Variants in BBOF1 observed in about 807,000 individuals in gnomAD.
The protein encoded by BBOF1 is basal body-orientation factor 1.
Under a neutral mutation model 68.0 loss-of-function variants are expected in BBOF1, and 62 were observed. The observed-to-expected ratio is 0.91, with a 90% CI of 0.74 to 1.13. BBOF1 has a LOEUF of 1.13. Among genes scored for constraint, BBOF1 ranks in the 50% most tolerant of loss-of-function variants. The probability of loss-of-function intolerance (pLI) is 0.00; values close to 1 mark genes in which losing one functional copy is unlikely to be tolerated. For synonymous variants in BBOF1, 208 were observed against 198.8 expected (o/e 1.05, Z -0.39); for missense variants, 534 against 600.1 (o/e 0.89, Z 1.15).
intron 9 of BBOF1, chr14:74,074,925 G>A: frequency 6.2e-7 from 1 of 1,606,172 alleles, no homozygotes; most frequent in Non-Finnish European, 8.5e-7. Flanking sequence ...TTCCTTCTCA[G>A]AAGTCAACCT....
chr14:74,037,624 T>A (rs2059737646), intron 4 of BBOF1, among the ~76,000 whole-genome samples: 1 of 151,448 alleles, frequency 6.6e-6, no homozygotes, highest in African/African-American at 2.4e-5. Context: ...AAATTCGTGT[T>A]CTCCATGAGG....
In BBOF1 at chr14:74,019,425, C is replaced by G. The variant is rs2059193591; in HGVS notation, c.-54C>G. 4 of 1,568,922 alleles carry G rather than the reference C, an allele frequency of 2.5e-6. No homozygotes were observed. The highest frequency in any genetic ancestry group is 3.5e-6 in the Non-Finnish European group (4 of 1,157,724). On this transcript the variant is annotated 5_prime_UTR_variant, in exon 1 of 12. Coordinates refer to ENST00000394009, the MANE Select transcript of BBOF1 (RefSeq NM_025057.3). ...CCGGTTCCCTTGGAGACAGAGCTGG[C>G]CAGGGCGGCCGCGGCTGGGCAACTA...
At chr14:74,070,098 C>T (rs1030443831), downstream of BBOF1, among the ~76,000 whole-genome samples, 6 of 152,088 alleles carry the variant, frequency 3.9e-5, no homozygotes, top group African/African-American at 1.4e-4. Flanking sequence ...GCCTTCACCT[C>T]CCAAAGTGCT....
At chr14:74,071,549 T>G (rs745830709) in intron 9 of BBOF1, 1 of 1,612,172 alleles carries the variant, frequency 6.2e-7, no homozygotes, top group Non-Finnish European at 8.5e-7. Flanking sequence ...ACTAGTTAGC[T>G]TTGTCCTGTT....
intron 11 of BBOF1, chr14:74,060,577 A>T (rs1168870767): frequency 1.7e-6 from 2 of 1,174,272 alleles, no homozygotes; most frequent in African/African-American, 3.0e-5. Flanking sequence ...AAAGCTGACA[A>T]ATGAAGCTGG....
At chr14:74,055,022 C>T (rs1220200418) in intron 8 of BBOF1, 1 of 152,930 alleles carries the variant, frequency 6.5e-6, no homozygotes, top group African/African-American at 2.4e-5. Context: ...AATATTTTTT[C>T]ATGTTGTTAA....
intron 8 of BBOF1, among the ~76,000 whole-genome samples, chr14:74,053,950 C>T (rs553658735): frequency 5.3e-5 from 8 of 152,186 alleles, no homozygotes; most frequent in Non-Finnish European, 7.4e-5. Context: ...TCTCGGCTCA[C>T]TGCAAGATCT....
intron 2 of BBOF1, among the ~76,000 whole-genome samples, chr14:74,024,041 T>C (rs2059369463): frequency 1.3e-5 from 2 of 152,144 alleles, no homozygotes; most frequent in South Asian, 4.1e-4. Flanking sequence ...ACTAACCTCC[T>C]ATTTAATTAT....
chr14:74,080,703 A>G (rs1289704889), intron 10 of BBOF1, among the ~76,000 whole-genome samples: 1 of 152,180 alleles, frequency 6.6e-6, no homozygotes, highest in Admixed American at 6.5e-5. Flanking sequence ...TGGGCCACCC[A>G]AAGTGTTGGG....
At chr14:74,069,697 G>A (rs555454939), downstream of BBOF1, among the ~76,000 whole-genome samples, 4 of 152,066 alleles carry the variant, frequency 2.6e-5, no homozygotes, top group African/African-American at 4.8e-5. Context: ...AGGTTGCAGC[G>A]AGCCGAGATT....
intron 3 of BBOF1, chr14:74,031,744 T>C (rs2059574667): frequency 6.6e-6 from 1 of 152,134 alleles, no homozygotes; most frequent in African/African-American, 2.4e-5. Context: ...TAAACCTAAC[T>C]ACCTCCCAAA....
downstream of BBOF1, chr14:74,066,678 C>G: frequency 1.9e-6 from 3 of 1,608,464 alleles, no homozygotes; most frequent in Non-Finnish European, 2.6e-6. Flanking sequence ...CTTCAGCTCT[C>G]ATATTTGTGA....
At chr14:74,041,802 C>G (rs1030011146) in intron 5 of BBOF1, among the ~76,000 whole-genome samples, 1 of 152,114 alleles carries the variant, frequency 6.6e-6, no homozygotes, top group African/African-American at 2.4e-5. Flanking sequence ...TTTGGTAGGC[C>G]AAGGTGGGCG....
At position 74,062,853 on chromosome 14, in the gene BBOF1, C is replaced by T. The variant is rs2060377572; in HGVS notation, c.1579-1835C>T. On this transcript the variant is annotated intron_variant, in intron 11 of 11. Coordinates refer to ENST00000394009, the MANE Select transcript of BBOF1 (RefSeq NM_025057.3). ...AAAAGGGGAGACTTGTATAACAAAA[C>T]ATGTAATTTATTAATGAAGGTTTCA... 1.3e-5 allele frequency among the ~76,000 whole-genome samples: 2 copies of T among 152,088 alleles called. 1 individual carries two copies. The highest frequency in any genetic ancestry group is 4.1e-4 in the South Asian group (2 of 4,832).
At chr14:74,077,550 T>TGG (rs536254293) in intron 9 of BBOF1, among the ~76,000 whole-genome samples, 2 of 152,030 alleles carry the variant, frequency 1.3e-5, no homozygotes, top group Non-Finnish European at 2.9e-5. Flanking sequence ...GAGGCAAAAC[T>TGG]GGGGGGGTAT....
intron 5 of BBOF1, among the ~76,000 whole-genome samples, chr14:74,044,576 G>A (rs2059906578): frequency 6.6e-6 from 1 of 151,164 alleles, no homozygotes; most frequent in Middle Eastern, 3.4e-3. Context: ...AATCCTCCTG[G>A]CTCAGTCTTC....
chr14:74,020,804 G>A (rs932703185), intron 1 of BBOF1, among the ~76,000 whole-genome samples: 7 of 152,174 alleles, frequency 4.6e-5, no homozygotes, highest in South Asian at 4.2e-4. Context: ...ATGCCCTGTC[G>A]CATCAAGTAC....
At chr14:74,067,694 G>A (rs1315308861), downstream of BBOF1, 10 of 1,020,090 alleles carry the variant, frequency 9.8e-6, no homozygotes, top group East Asian at 2.5e-4. Context: ...AGGCTGAGGT[G>A]AGAAGGATAA....
downstream of BBOF1, chr14:74,070,954 C>G (rs1408335275): frequency 1.8e-6 from 1 of 543,024 alleles, no homozygotes; most frequent in Non-Finnish European, 3.3e-6. Flanking sequence ...TTATCTGTGT[C>G]TAGCCCTAAT....
Sources: allele counts gnomAD v4.1 joint callset (sites outside exome capture counted in the v4.1 genomes callset), GRCh38; gene constraint gnomAD v4.1.1; transcripts MANE v1.5; gene names NCBI Gene and HGNC (gene_info 2026-07-23, HGNC 2026-07-21).